The following PHF7 variants were observed in gnomAD, a reference collection of about 807,000 sequenced individuals.
PHF7 encodes E3 ubiquitin-protein ligase PHF7.
Under a neutral mutation model 47.5 loss-of-function variants are expected in PHF7, and 24 were observed. The observed-to-expected ratio is 0.51, with a 90% CI of 0.37 to 0.71. PHF7 has a LOEUF of 0.71. Among genes scored for constraint, PHF7 ranks in the 30% least tolerant of loss-of-function variants. The pLI is 0.00. For synonymous variants in PHF7, 156 were observed against 153.8 expected, an observed-to-expected ratio of 1.01 and a Z score of -0.11; for missense variants, 361 against 456.8, an observed-to-expected ratio of 0.79 and a Z score of 1.91.
At chr3:52,414,663 T>C in intron 4 of PHF7, 76 bp downstream of exon 4, 1 of 790,342 alleles carries the variant, frequency 1.3e-6, no homozygotes, top group Non-Finnish European at 2.1e-6. Context: ...ACATTCATCC[T>C]CATATCCACA....
At position 52,423,256 on chromosome 3, in the gene PHF7, G is replaced by GGA. The variant is rs1705851666; in HGVS notation, c.1087_1088dup (p.Ser363ArgfsTer24). ...AAGCCAGAGTCCTCTCGTGGCAGGA[G>GGA]GAGCTACTCCTGGAGGTCCAAGGGT... On this transcript the variant is annotated frameshift_variant, in exon 11 of 11. Transcript: ENST00000327906. LOFTEE classifies it high-confidence loss of function. 6.2e-7 allele frequency: 1 copy of GGA among 1,614,162 alleles called. No individual in the cohort carries two copies. Among genetic ancestry groups the GGA allele is most frequent in the Non-Finnish European group, 8.5e-7 (1 of 1,180,010 alleles).
At chr3:52,421,841 G>C in intron 8 of PHF7, 87 bp downstream of exon 8, 2 of 744,378 alleles carry the variant, frequency 2.7e-6, no homozygotes, top group Non-Finnish European at 4.9e-6. Context: ...ATAGTTCAGA[G>C]AATGAGAGCA....
intron 4 of PHF7, among the ~76,000 whole-genome samples, chr3:52,417,056 G>A (rs1705648069): frequency 6.6e-6 from 1 of 152,024 alleles, no homozygotes; most frequent in Non-Finnish European, 1.5e-5. Context: ...TGCTTTTTGT[G>A]TGTTGCAAGA....
At position 52,410,807 on chromosome 3, in the gene PHF7, C is replaced by G. The variant is rs989734498; in HGVS notation, c.-510C>G. On this transcript the variant is annotated 5_prime_UTR_variant, in exon 1 of 11. Coordinates refer to ENST00000327906, the MANE Select transcript of PHF7 (RefSeq NM_016483.7). ...GGGAGCGGCGGCCGGTGAGCTACCG[C>G]GAGGAGGAGCGGCGGAGGCGACCTC... is the stretch of plus-strand genomic sequence containing the variant. The G allele has an allele frequency of 6.6e-6, 1 of 152,534 alleles. No homozygotes were observed. The highest frequency in any genetic ancestry group is 1.5e-5 in the Non-Finnish European group (1 of 68,384). The allele number at this position is 152,534 out of a possible 1,614,324, so 9.4% of individuals were successfully genotyped here. A position where few individuals can be genotyped will look rare whatever the true frequency, so the allele number is the denominator to read the frequency against.
Position 52,423,494 on chromosome 3 carries a change from A to G in PHF7, c.*177A>G. Reference sequence around the variant, plus strand: ...TGAGGAGGGAGCAGTCCAGATGCCAACAAGGAAATGCGTTTATGGCTACAA... The same window carrying G: ...TGAGGAGGGAGCAGTCCAGATGCCAGCAAGGAAATGCGTTTATGGCTACAA... On this transcript the variant is annotated 3_prime_UTR_variant, in exon 11 of 11. Transcript: ENST00000327906. The G allele has an allele frequency of 8.8e-6, 5 of 566,980 alleles. No individual in the cohort carries two copies. Among genetic ancestry groups the G allele is most frequent in the Non-Finnish European group, 1.3e-5 (4 of 318,482 alleles). 35.1% of individuals were successfully genotyped at this position (566,980 alleles called of 1,614,324 possible).
intron 8 of PHF7, 105 bp downstream of exon 8, chr3:52,421,859 C>A: frequency 1.5e-6 from 1 of 682,118 alleles, no homozygotes; most frequent in South Asian, 1.6e-5. Context: ...GCAGCAGAGG[C>A]ACTGATAAGA....
chr3:52,415,039 ATAAAG>A (rs1026432804), intron 4 of PHF7, among the ~76,000 whole-genome samples: 3 of 152,132 alleles, frequency 2.0e-5, no homozygotes, highest in African/African-American at 7.2e-5. Flanking sequence ...TCTTGACAGT[ATAAAG>A]TAAGTTCAGT....
chr3:52,415,472 C>G (rs549923973), intron 4 of PHF7, among the ~76,000 whole-genome samples: 35 of 152,242 alleles, frequency 2.3e-4, no homozygotes, highest in African/African-American at 7.9e-4. Context: ...AATGTATGTC[C>G]CCAAATAACC....
In PHF7 at chr3:52,414,484, C is replaced by T. The variant is rs779021283; in HGVS notation, c.95-12C>T. ...TCAATTTGAGCCAAATTCTGGGTGT[C>T]CTCTCTTCCAGTTTGCTGGCTATGC... On this transcript the variant is annotated splice_polypyrimidine_tract_variant and intron_variant, in intron 3 of 10. Transcript: ENST00000327906. 29 of 1,553,030 alleles carry T rather than the reference C, an allele frequency of 1.9e-5. No individual in the cohort carries two copies. The highest frequency in any genetic ancestry group is 2.4e-5 in the Non-Finnish European group (27 of 1,126,814).
In PHF7 at chr3:52,422,792, G is replaced by A; in HGVS notation, c.830G>A (p.Gly277Glu). ...TGCCTCATTCTGTGTGCTACATGCGGATCCCACGGAACCCACAGGGACTGC... is the reference window on the plus strand; with the variant it reads ...TGCCTCATTCTGTGTGCTACATGCGAATCCCACGGAACCCACAGGGACTGC... ...RWCLILCATC[G>E]SHGTHRDCSS... Residue 277 changes from glycine (G) to glutamate (E), a missense_variant, in exon 10 of 11, where the codon GGA becomes GAA. Gly to Glu is a moderately conservative substitution (Grantham distance 98, BLOSUM62 -2). Transcript: ENST00000327906. The A allele has an allele frequency of 6.2e-7, 1 of 1,614,070 alleles. No homozygotes were observed. The highest frequency in any genetic ancestry group is 8.5e-7 in the Non-Finnish European group (1 of 1,179,944).
chr3:52,419,433 TTTTTTTTC>T (rs941364209), intron 4 of PHF7, among the ~76,000 whole-genome samples: 2 of 150,872 alleles, frequency 1.3e-5, no homozygotes, highest in African/African-American at 4.9e-5. Flanking sequence ...TCTGTTCTTT[TTTTTTTTC>T]TTTTTTGAGA....
In PHF7 at chr3:52,423,353, T is replaced by C; in HGVS notation, c.*36T>C. The C allele has an allele frequency of 7.3e-7, 1 of 1,367,870 alleles. No homozygotes were observed. 84.7% of individuals were successfully genotyped at this position (1,367,870 alleles called of 1,614,324 possible). A position where few individuals can be genotyped will look rare whatever the true frequency, so the allele number is the denominator to read the frequency against. On this transcript the variant is annotated 3_prime_UTR_variant, in exon 11 of 11. Transcript: ENST00000327906. The stretch of plus-strand genomic sequence containing the variant: ...GTAGCTGCTGTCCCACACAATAGGG[T>C]ATGAAGCTGCGCTCCTCCATCGGGT...
chr3:52,420,824 T>TG, intron 6 of PHF7, 79 bp from the exon 7 acceptor site: 1 of 1,341,330 alleles, frequency 7.5e-7, no homozygotes, highest in East Asian at 2.3e-5. Context: ...CCTGGGTGGC[T>TG]GGCTGCCCCT....
In PHF7 at chr3:52,421,738, A is replaced by G. The variant is rs1408997344; in HGVS notation, c.664A>G (p.Ile222Val). 2 of 1,587,936 alleles carry G rather than the reference A, an allele frequency of 1.3e-6. No individual in the cohort carries two copies. Among genetic ancestry groups the G allele is most frequent in the Non-Finnish European group, 1.7e-6 (2 of 1,156,276 alleles). ...EFPQEMLRMG[I>V]HIPDRDAAWE... ...TCCTCAAGAAATGCTGAGAATGGGA[A>G]TTCATATTCCAGACAGGTAGTGGGA... Residue 222 changes from isoleucine (I) to valine (V), a missense_variant, in exon 8 of 11, where the codon ATT (isoleucine) becomes GTT (valine). Transcript: ENST00000327906.
rs1705487457 is a variant in PHF7, at chr3:52,412,666, G to C, written c.-69-145G>C. On this transcript the variant is annotated intron_variant, in intron 1 of 10. Transcript: ENST00000327906. The stretch of plus-strand genomic sequence containing the variant: ...TACCTACTGCATGGCGTGTTTGTGA[G>C]TTAACACATGTCAAGTACCTAGAAC... 6 of 566,244 alleles carry C rather than the reference G, an allele frequency of 1.1e-5. No individual in the cohort carries two copies. The South Asian group carries it at 1.1e-4, about 10-fold the overall frequency. The allele number at this position is 566,244 out of a possible 1,614,324, so 35.1% of individuals were successfully genotyped here. A position where few individuals can be genotyped will look rare whatever the true frequency, so the allele number is the denominator to read the frequency against.
intron 4 of PHF7, among the ~76,000 whole-genome samples, chr3:52,417,085 G>A (rs1298105242): frequency 6.6e-6 from 1 of 152,096 alleles, no homozygotes; most frequent in African/African-American, 2.4e-5. Flanking sequence ...CCTACCCATA[G>A]AATTGCCTTG....
At position 52,421,023 on chromosome 3, in the gene PHF7, G is replaced by A. The variant is rs1357820717; in HGVS notation, c.534G>A (p.Pro178=). The part of the protein sequence containing the change: ...SQQSVENIQS[P]CCSQAIYHRK... ...AGAGTGTTGAGAACATCCAGAGCCC[G>A]TGTTGTAGTCAAGCCATCTACCACC... is the stretch of plus-strand genomic sequence containing the variant. Residue 178 remains proline (P), a synonymous_variant, in exon 7 of 11, where the codon CCG becomes CCA. Coordinates refer to ENST00000327906, the MANE Select transcript of PHF7 (RefSeq NM_016483.7). The A allele has an allele frequency of 6.8e-6, 11 of 1,612,962 alleles. No individual in the cohort carries two copies. The highest frequency in any genetic ancestry group is 3.3e-5 in the Admixed American group (2 of 59,860).
In PHF7 at chr3:52,422,309, A is replaced by T. The variant is rs1578247842; in HGVS notation, c.768A>T (p.Glu256Asp). Residue 256 changes from glutamate (E) to aspartate (D), a missense_variant, in exon 9 of 11, where the codon GAA becomes GAT. Transcript: ENST00000327906. The part of the protein sequence containing the change: ...QHCDAPICLY[E>D]QGRDSFEDEG... ...GTGATGCCCCCATCTGTCTGTATGA[A>T]CAAGGCAGAGACAGCTTTGAGGATG... is the stretch of plus-strand genomic sequence containing the variant. 1.9e-6 allele frequency: 3 copies of T among 1,612,256 alleles called. No individual in the cohort carries two copies. In the East Asian group the frequency reaches 6.7e-5, roughly 36 times the overall value.
chr3:52,412,595 C>A lies in PHF7; in HGVS notation c.-69-216C>A, dbSNP rs1306340478. Among the ~76,000 whole-genome samples, 3 of 152,300 alleles carry A rather than the reference C, an allele frequency of 2.0e-5. No homozygotes were observed. In the East Asian group the frequency reaches 5.8e-4, roughly 29 times the overall value. On this transcript the variant is annotated intron_variant, in intron 1 of 10. Coordinates refer to ENST00000327906, the MANE Select transcript of PHF7 (RefSeq NM_016483.7). ...CTTACCTTGGGCAGGATACTTAAAC[C>A]TCTCTGTGCCTCAGTCCCCCATCTT...
Sources: allele counts gnomAD v4.1 joint callset (sites outside exome capture counted in the v4.1 genomes callset), GRCh38; gene constraint gnomAD v4.1.1; transcripts MANE v1.5; gene names NCBI Gene and HGNC (gene_info 2026-07-23, HGNC 2026-07-21).